Variants in FERMT2 observed in about 807,000 individuals in gnomAD.
FERMT2 encodes FERM domain containing kindlin 2.
In FERMT2, 15 loss-of-function variants were observed where a neutral mutation model predicts 82.7. That is an observed-to-expected ratio of 0.18 (90% confidence interval 0.12 to 0.28). The LOEUF (loss-of-function observed/expected upper bound fraction) is 0.28. Among genes scored for constraint, FERMT2 ranks in the 10% least tolerant of loss-of-function variants. The pLI, the probability that FERMT2 is intolerant of heterozygous loss-of-function variation, is 1.00. For missense variants in FERMT2, 645 were observed against 809.4 expected, an observed-to-expected ratio of 0.80 and a Z score of 2.46; for synonymous variants, 274 against 271.5, an observed-to-expected ratio of 1.01 and a Z score of -0.09.
chr14:52,859,752 GT>G (rs753674418), intron 13 of FERMT2, 38 bp from the exon 14 acceptor site: 63 of 1,321,494 alleles, frequency 4.8e-5, no homozygotes, highest in Admixed American at 1.1e-4. Context: ...AAAACATGTT[GT>G]GGGGGAACAT....
intron 4 of FERMT2, among the ~76,000 whole-genome samples, chr14:52,883,024 C>G (rs1179273312): frequency 6.6e-6 from 1 of 151,942 alleles, no homozygotes; most frequent in Admixed American, 6.6e-5. Flanking sequence ...ATGGAGAAAC[C>G]CTGTCTCTAC....
chr14:52,910,496 TA>T (rs934974531), intron 3 of FERMT2, among the ~76,000 whole-genome samples: 49 of 146,130 alleles, frequency 3.4e-4, no homozygotes, highest in African/African-American at 3.0e-4. Flanking sequence ...TACGTTACAT[TA>T]AAAAAAAAAA....
intron 10 of FERMT2, among the ~76,000 whole-genome samples, chr14:52,870,985 T>C (rs1885583316): frequency 6.6e-6 from 1 of 152,232 alleles, no homozygotes; most frequent in South Asian, 2.1e-4. Flanking sequence ...TACAAAAATA[T>C]GTGTACGTAC....
At chr14:52,929,794 T>G (rs1889477300) in intron 2 of FERMT2, among the ~76,000 whole-genome samples, 1 of 152,272 alleles carries the variant, frequency 6.6e-6, no homozygotes, top group African/African-American at 2.4e-5. Context: ...CTGATCAAAA[T>G]TTATATTCAT....
chr14:52,948,169 C>T (rs1890448249), intron 2 of FERMT2, among the ~76,000 whole-genome samples: 1 of 152,220 alleles, frequency 6.6e-6, no homozygotes, highest in South Asian at 2.1e-4. Flanking sequence ...CTGCAAGCTG[C>T]TTTGATCCTC....
chr14:52,911,695 A>T (rs944015860), intron 3 of FERMT2, among the ~76,000 whole-genome samples: 3 of 151,928 alleles, frequency 2.0e-5, no homozygotes, highest in African/African-American at 7.3e-5. Flanking sequence ...AGAGTTTGCC[A>T]ACACAGTTTA....
chr14:52,916,836 T>C (rs1049993829), intron 3 of FERMT2, among the ~76,000 whole-genome samples: 6 of 152,228 alleles, frequency 3.9e-5, no homozygotes. Context: ...GCTGTGAACC[T>C]ACAACTCCTG....
rs762625864 is a variant in FERMT2, at chr14:52,864,867, T to A, written c.1274-14A>T. ...TAACTTCACATCCTGTAACAAAAAA[T>A]TTTTATTAAAATGGCTAAATTTACT... On this transcript the variant is annotated splice_polypyrimidine_tract_variant and intron_variant, in intron 10 of 14. Transcript: ENST00000341590. 14 of 1,454,978 alleles carry A rather than the reference T, an allele frequency of 9.6e-6. No individual in the cohort carries two copies. The highest frequency in any genetic ancestry group is 3.8e-5 in the Admixed American group (2 of 53,186). 90.1% of individuals were successfully genotyped at this position (1,454,978 alleles called of 1,614,324 possible). A position where few individuals can be genotyped will look rare whatever the true frequency, so the allele number is the denominator to read the frequency against.
chr14:52,888,849 T>C (rs1223226476), intron 4 of FERMT2, among the ~76,000 whole-genome samples: 6 of 152,314 alleles, frequency 3.9e-5, no homozygotes, highest in African/African-American at 1.4e-4. Context: ...TTGGAGAATT[T>C]AAATTTTAAT....
chr14:52,908,678 A>T (rs1415240054), intron 3 of FERMT2, among the ~76,000 whole-genome samples: 1 of 152,234 alleles, frequency 6.6e-6, no homozygotes, highest in Non-Finnish European at 1.5e-5. Context: ...GCAGAGGGGC[A>T]TCAGGGAACT....
rs143495308 is a variant in FERMT2, at chr14:52,913,324, G to A, written c.391+5799C>T. Among the ~76,000 whole-genome samples, 1,194 of 152,188 alleles carry A rather than the reference G, an allele frequency of 7.8e-3. 12 individuals carry two copies. The highest frequency in any genetic ancestry group is 0.024 in the Middle Eastern group (7 of 294). On this transcript the variant is annotated intron_variant, in intron 3 of 14. Transcript: ENST00000341590. ...AAATTCTAACACTATGAGATCCCTC[G>A]GGAGTAAATGGGCCAATATACTCAA...
At chr14:52,895,215 G>A (rs565505674) in intron 3 of FERMT2, among the ~76,000 whole-genome samples, 1 of 152,360 alleles carries the variant, frequency 6.6e-6, no homozygotes, top group East Asian at 1.9e-4. Context: ...ACTACTCAGT[G>A]TCAGTGAGGA....
At chr14:52,939,851 C>T (rs1429347933) in intron 2 of FERMT2, among the ~76,000 whole-genome samples, 1 of 152,174 alleles carries the variant, frequency 6.6e-6, no homozygotes, top group Non-Finnish European at 1.5e-5. Context: ...ATTCTTAGAT[C>T]TGAACCCAGG....
rs550726944 is a variant in FERMT2, at chr14:52,913,323, C to T, written c.391+5800G>A. Among the ~76,000 whole-genome samples, 19 of 152,262 alleles carry T rather than the reference C, an allele frequency of 1.2e-4. No individual in the cohort carries two copies. In the South Asian group the frequency reaches 3.3e-3, roughly 27 times the overall value. ...AAAATTCTAACACTATGAGATCCCT[C>T]GGGAGTAAATGGGCCAATATACTCA... On this transcript the variant is annotated intron_variant, in intron 3 of 14. Transcript: ENST00000341590.
chr14:52,915,986 C>T (rs7143665), intron 3 of FERMT2, among the ~76,000 whole-genome samples: 20,491 of 152,128 alleles, frequency 0.13, 1,551 homozygotes, highest in African/African-American at 0.2. Context: ...ACCAAGATAT[C>T]GTTTGGTGAG....
chr14:52,947,217 C>T (rs1289850511), intron 2 of FERMT2, among the ~76,000 whole-genome samples: 1 of 152,148 alleles, frequency 6.6e-6, no homozygotes, highest in African/African-American at 2.4e-5. Context: ...TGGTGGCTCA[C>T]GTCTGCAATC....
At chr14:52,911,391 C>T (rs1413906471) in intron 3 of FERMT2, among the ~76,000 whole-genome samples, 2 of 152,082 alleles carry the variant, frequency 1.3e-5, no homozygotes, top group African/African-American at 4.8e-5. Flanking sequence ...GTGGCTCACA[C>T]CTGTAATCCC....
Position 52,903,568 on chromosome 14 carries a change from G to GA in FERMT2, c.392-10142dup, listed in dbSNP as rs200220144. Among the ~76,000 whole-genome samples the GA allele has an allele frequency of 3.0e-3, 411 of 138,424 alleles. 1 individual carries two copies. The highest frequency in any genetic ancestry group is 9.0e-3 in the African/African-American group (337 of 37,570). 90.8% of individuals were successfully genotyped at this position (138,424 alleles called of 152,430 possible). A position where few individuals can be genotyped will look rare whatever the true frequency, so the allele number is the denominator to read the frequency against. On this transcript the variant is annotated intron_variant, in intron 3 of 14. Transcript: ENST00000341590. ...AAAAGAAAATAAATAAAAGAAAAAA[G>GA]AAAAAAAAAACACTACCAGGACTAT...
intron 6 of FERMT2, among the ~76,000 whole-genome samples, chr14:52,879,707 A>T (rs1444670643): frequency 6.6e-6 from 1 of 152,200 alleles, no homozygotes; most frequent in Non-Finnish European, 1.5e-5. Context: ...TGTAAACATA[A>T]CATTAAAATC....
Sources: gnomAD v4.1 joint callset for allele counts (sites outside exome capture counted in the v4.1 genomes callset) on GRCh38, gnomAD v4.1.1 for gene constraint, MANE v1.5 for transcripts, NCBI Gene and HGNC (gene_info 2026-07-23, HGNC 2026-07-21) for gene names.